AAR2: variants seen among roughly 807,000 people sequenced by gnomAD.
AAR2 encodes AAR2 splicing factor, also known as protein AAR2 homolog.
Under a neutral mutation model 26.9 loss-of-function variants are expected in AAR2, and 31 were observed. That is an observed-to-expected ratio of 1.15 (90% CI 0.86 to 1.55). The LOEUF is 1.55. AAR2 is among the 40% of genes most tolerant of loss of function. The pLI is 0.00. For missense variants in AAR2, 430 were observed against 491.3 expected (o/e 0.88, Z 1.18); for synonymous variants, 188 against 196.1 (o/e 0.96, Z 0.34).
chr20:36,248,792 T>C (rs2064758927), intron 3 of AAR2, among the ~76,000 whole-genome samples: 1 of 152,070 alleles, frequency 6.6e-6, no homozygotes, highest in Admixed American at 6.6e-5. Context: ...TGAGGCTTTA[T>C]GCAAGGGTGG....
chr20:36,246,002 G>T (rs777760094), intron 3 of AAR2, among the ~76,000 whole-genome samples: 1 of 152,206 alleles, frequency 6.6e-6, no homozygotes, highest in Non-Finnish European at 1.5e-5. Flanking sequence ...TCCAGCCTGG[G>T]CAACAGAGTG....
In AAR2 at chr20:36,240,171, C is replaced by G; in HGVS notation, c.303C>G (p.Ser101=). The change falls in exon 2 of 4, where the codon TCC becomes TCG. Residue 101 remains serine (S), a synonymous_variant. Transcript: ENST00000320849. The part of the protein sequence containing the change: ...WSTLREEVDL[S]PAPESEVEAM... ...CACTCAGGGAAGAGGTAGACCTGTC[C>G]CCAGCCCCAGAGTCTGAGGTGGAGG... 5 of 1,614,172 alleles carry G rather than the reference C, an allele frequency of 3.1e-6. No individual in the cohort carries two copies. Among genetic ancestry groups the G allele is most frequent in the Non-Finnish European group, 4.2e-6 (5 of 1,180,014 alleles).
Position 36,244,725 on chromosome 20 carries a change from C to T in AAR2, c.786C>T (p.Phe262=). The change falls in exon 3 of 4, where the codon TTC becomes TTT. Residue 262 remains phenylalanine, a synonymous_variant. Coordinates refer to ENST00000320849, the MANE Select transcript of AAR2 (RefSeq NM_001271874.2). ...AACTCCAGTTTGCTTTTGTGTGCTT[C>T]CTGCTGGGGAATGTGTACGAGGCAT... ...LGELQFAFVC[F]LLGNVYEAFE... is the part of the protein sequence containing the mutation. The T allele has an allele frequency of 6.2e-7, 1 of 1,614,182 alleles. No individual in the cohort carries two copies. Among genetic ancestry groups the T allele is most frequent in the Non-Finnish European group, 8.5e-7 (1 of 1,180,038 alleles).
chr20:36,256,632 C>G lies in AAR2; in HGVS notation c.*887C>G, dbSNP rs576030543. The G allele has an allele frequency of 6.6e-6, 1 of 152,392 alleles. No individual in the cohort carries two copies. Among genetic ancestry groups the G allele is most frequent in the East Asian group, 1.9e-4 (1 of 5,182 alleles). The allele number at this position is 152,392 out of a possible 1,614,324, so 9.4% of individuals were successfully genotyped here. On this transcript the variant is annotated 3_prime_UTR_variant, in exon 4 of 4. Transcript: ENST00000320849. ...AAGTGCTGAAGAAGACCTGGTCAGC[C>G]TAAATCTTCCCAGTCCCGCTGTGGA... is the stretch of plus-strand genomic sequence containing the variant.
At position 36,240,009 on chromosome 20, in the gene AAR2, C is replaced by T. The variant is rs762620736; in HGVS notation, c.141C>T (p.Gly47=). 38 of 1,614,102 alleles carry T rather than the reference C, an allele frequency of 2.4e-5. No homozygotes were observed. Among genetic ancestry groups the T allele is most frequent in the East Asian group, 6.7e-5 (3 of 44,894 alleles). ...GGGAGGTCGGGCCCAAGTTCCGGGG[C>T]GTGAAGATGATCCCTCCAGGCATCC... ...NSWEVGPKFR[G]VKMIPPGIHF... Residue 47 remains glycine (G), a synonymous_variant, in exon 2 of 4, where the codon GGC becomes GGT. Transcript: ENST00000320849.
At chr20:36,247,207 C>T (rs1047957369) in intron 3 of AAR2, among the ~76,000 whole-genome samples, 7 of 152,184 alleles carry the variant, frequency 4.6e-5, no homozygotes, top group Non-Finnish European at 7.3e-5. Flanking sequence ...AAGCAGGTAG[C>T]AGTAAGTGTT....
chr20:36,249,654 C>T (rs971969334), intron 3 of AAR2, among the ~76,000 whole-genome samples: 7 of 152,216 alleles, frequency 4.6e-5, no homozygotes, highest in African/African-American at 1.7e-4. Flanking sequence ...TTAGCTATCT[C>T]TTTTGCATGC....
chr20:36,244,924 C>T lies in AAR2; in HGVS notation c.985C>T (p.Gln329Ter), dbSNP rs148948059. The T allele has an allele frequency of 1.1e-5, 18 of 1,611,996 alleles. No homozygotes were observed. The highest frequency in any genetic ancestry group is 1.4e-5 in the Non-Finnish European group (16 of 1,178,166). The change falls in exon 3 of 4, where the codon CAG becomes TAG. Residue 329 changes from glutamine to a stop codon, truncating the protein, a stop_gained and splice_region_variant. Coordinates refer to ENST00000320849, the MANE Select transcript of AAR2 (RefSeq NM_001271874.2). LOFTEE classifies it high-confidence loss of function. Reference sequence around the variant, plus strand: ...AGACAACTTCCTCACCAGCACCTTACAGGTGAGCAGTCTTTCTGACTGAGC... The same window carrying T: ...AGACAACTTCCTCACCAGCACCTTATAGGTGAGCAGTCTTTCTGACTGAGC... Reference protein sequence around the residue: ...SQDNFLTSTLQVFFSSACSIA... With the variant: ...SQDNFLTSTL
At chr20:36,255,439 A>G in intron 3 of AAR2, 139 bp from the exon 4 acceptor site, 1 of 941,330 alleles carries the variant, frequency 1.1e-6, no homozygotes, top group South Asian at 1.5e-5. Context: ...GGGGGAGCAT[A>G]GCAGGTGTCC....
At chr20:36,248,168 T>C (rs537197285) in intron 3 of AAR2, among the ~76,000 whole-genome samples, 5 of 152,192 alleles carry the variant, frequency 3.3e-5, no homozygotes, top group Admixed American at 3.3e-4. Flanking sequence ...CTGTCTCTCT[T>C]TCACTCTCCC....
intron 1 of AAR2, among the ~76,000 whole-genome samples, chr20:36,237,631 C>A (rs571900972): frequency 3.3e-5 from 5 of 152,114 alleles, no homozygotes; most frequent in Admixed American, 3.3e-4. Context: ...AGGAGGAGCA[C>A]ACAGATGTCA....
Position 36,255,563 on chromosome 20 carries a change from C to A in AAR2, c.988-15C>A. 6.2e-7 allele frequency: 1 copy of A among 1,614,012 alleles called. No individual in the cohort carries two copies. Among genetic ancestry groups the A allele is most frequent in the Non-Finnish European group, 8.5e-7 (1 of 1,179,984 alleles). On this transcript the variant is annotated splice_polypyrimidine_tract_variant and intron_variant, in intron 3 of 3. Coordinates refer to ENST00000320849, the MANE Select transcript of AAR2 (RefSeq NM_001271874.2). ...TCCGTCTTCTCAGGAGTGACTTATC[C>A]TCTGTTCTCTGTAGGTTTTCTTTTC...
At position 36,244,801 on chromosome 20, in the gene AAR2, A is replaced by G. The variant is rs773817924; in HGVS notation, c.862A>G (p.Met288Val). Residue 288 changes from methionine to valine, a missense_variant, in exon 3 of 4, where the codon ATG becomes GTG. By Grantham distance (21) the Met-to-Val change is conservative (BLOSUM62 1). Transcript: ENST00000320849. Reference sequence around the variant, plus strand: ...CCTCCTGTGCCGGTCAGAAGCAGCCATGATGAAGCACCACACCCTCTACAT... The same window carrying G: ...CCTCCTGTGCCGGTCAGAAGCAGCCGTGATGAAGCACCACACCCTCTACAT... ...LNLLCRSEAA[M>V]MKHHTLYINL... The G allele has an allele frequency of 6.2e-7, 1 of 1,614,082 alleles. No individual in the cohort carries two copies. The highest frequency in any genetic ancestry group is 8.5e-7 in the Non-Finnish European group (1 of 1,180,036).
rs147662826 is a variant in AAR2 at position 36,240,093 on chromosome 20, G to T, written c.225G>T (p.Met75Ile). The change falls in exon 2 of 4, where the codon ATG becomes ATT. Residue 75 changes from methionine to isoleucine, a missense_variant. By Grantham distance (10) the Met-to-Ile change is conservative. Transcript: ENST00000320849. ...ATCCGAAGGAAGTAGGCCCTCGTAT[G>T]GGTTTCTTCCTTAGCCTGCACCAGC... Reference protein sequence around the residue: ...KANPKEVGPRMGFFLSLHQRG... With the variant: ...KANPKEVGPRIGFFLSLHQRG... 9 of 1,614,220 alleles carry T rather than the reference G, an allele frequency of 5.6e-6. No homozygotes were observed. The highest frequency in any genetic ancestry group is 7.6e-6 in the Non-Finnish European group (9 of 1,180,046).
rs565060495 is a variant in AAR2, at chr20:36,246,393, A to G, written c.987+1467A>G. 5.9e-5 allele frequency among the ~76,000 whole-genome samples: 9 copies of G among 152,346 alleles called. No individual in the cohort carries two copies. In the South Asian group the frequency reaches 1.7e-3, roughly 28 times the overall value. On this transcript the variant is annotated intron_variant, in intron 3 of 3. Coordinates refer to ENST00000320849, the MANE Select transcript of AAR2 (RefSeq NM_001271874.2). ...GTAAACCATGGCAATGAGTCAGTCA[A>G]GCGCATGATTTGAGCCTGGTCTGTT... is the stretch of plus-strand genomic sequence containing the variant.
At position 36,255,582 on chromosome 20, in the gene AAR2, T is replaced by C; in HGVS notation, c.992T>C (p.Phe331Ser). The C allele has an allele frequency of 6.2e-7, 1 of 1,614,246 alleles. No individual in the cohort carries two copies. The highest frequency in any genetic ancestry group is 8.5e-7 in the Non-Finnish European group (1 of 1,180,038). ...CTTATCCTCTGTTCTCTGTAGGTTTTCTTTTCCTCTGCCTGCAGCATTGCC... is the reference window on the plus strand; with the variant it reads ...CTTATCCTCTGTTCTCTGTAGGTTTCCTTTTCCTCTGCCTGCAGCATTGCC... ...DNFLTSTLQV[F>S]FSSACSIAVD... Residue 331 changes from phenylalanine to serine, a missense_variant, in exon 4 of 4, where the codon TTC becomes TCC. Phe to Ser is a radical substitution (Grantham distance 155, BLOSUM62 -2). Coordinates refer to ENST00000320849, the MANE Select transcript of AAR2 (RefSeq NM_001271874.2).
rs529930775 is a variant in AAR2, at chr20:36,238,261, G to A, written c.-48-1560G>A. Among the ~76,000 whole-genome samples, 6 of 152,150 alleles carry A rather than the reference G, an allele frequency of 3.9e-5. No individual in the cohort carries two copies. In the East Asian group the frequency reaches 7.7e-4, roughly 20 times the overall value. On this transcript the variant is annotated intron_variant, in intron 1 of 3. Coordinates refer to ENST00000320849, the MANE Select transcript of AAR2 (RefSeq NM_001271874.2). ...ATATTTCAAAAATTCTGTTATTTTC[G>A]TTTAAAAAATAATGCTGGTTGAGAC...
Position 36,240,618 on chromosome 20 carries a change from T to A in AAR2, c.750T>A (p.Asp250Glu). The change falls in exon 2 of 4, where the codon GAT becomes GAA. Residue 250 changes from aspartate to glutamate, a missense_variant. Transcript: ENST00000320849. ...AGCAGTTCCCCAGCAGCCCCCAGGATGTGCTTGGTGAGAAGGAACAAGGCT... is the reference window on the plus strand; with the variant it reads ...AGCAGTTCCCCAGCAGCCCCCAGGAAGTGCTTGGTGAGAAGGAACAAGGCT... Reference protein sequence around the residue: ...LNKQFPSSPQDVLGELQFAFV... With the variant: ...LNKQFPSSPQEVLGELQFAFV... 6.2e-7 allele frequency: 1 copy of A among 1,608,464 alleles called. No homozygotes were observed. The highest frequency in any genetic ancestry group is 8.5e-7 in the Non-Finnish European group (1 of 1,176,678).
At position 36,248,733 on chromosome 20, in the gene AAR2, G is replaced by A. The variant is rs556861463; in HGVS notation, c.987+3807G>A. Among the ~76,000 whole-genome samples, 10 of 152,250 alleles carry A rather than the reference G, an allele frequency of 6.6e-5. No homozygotes were observed. The East Asian group carries it at 9.6e-4, about 15-fold the overall frequency. ...AAACAGTGGAGTCTGATCAAAGGGC[G>A]TTAGGAGCACCAAAGAGGGAGTGGT... On this transcript the variant is annotated intron_variant, in intron 3 of 3. Transcript: ENST00000320849.
Sources: gnomAD v4.1 joint callset for allele counts (sites outside exome capture counted in the v4.1 genomes callset) on GRCh38, gnomAD v4.1.1 for gene constraint, MANE v1.5 for transcripts, NCBI Gene and HGNC (gene_info 2026-07-23, HGNC 2026-07-21) for gene names.